SLC25A23: variants seen among roughly 807,000 people sequenced by gnomAD.
SLC25A23 encodes solute carrier family 25 member 23.
In SLC25A23, 32 loss-of-function variants were observed where a neutral mutation model predicts 53.9. That is an observed-to-expected ratio of 0.59 (90% CI 0.45 to 0.80). SLC25A23 has a LOEUF of 0.80. Ranked by LOEUF, SLC25A23 falls within the 30% of genes least tolerant of loss-of-function variation. The pLI is 0.00. For synonymous variants in SLC25A23, 275 were observed against 264.5 expected, an observed-to-expected ratio of 1.04 and a Z score of -0.38; for missense variants, 575 against 651.4, an observed-to-expected ratio of 0.88 and a Z score of 1.28.
chr19:6,444,931 T>C (rs2092480883), intron 8 of SLC25A23, among the ~76,000 whole-genome samples: 1 of 152,004 alleles, frequency 6.6e-6, no homozygotes, highest in Admixed American at 6.6e-5. Flanking sequence ...CCTCTCAAAG[T>C]GCTGGGATTA....
chr19:6,453,510 G>A (rs1240323084), intron 7 of SLC25A23, among the ~76,000 whole-genome samples: 1 of 152,146 alleles, frequency 6.6e-6, no homozygotes, highest in African/African-American at 2.4e-5. Flanking sequence ...AAAGTGCTGG[G>A]ATTACAGGCG....
intron 3 of SLC25A23, among the ~76,000 whole-genome samples, chr19:6,457,006 A>G (rs2092691022): frequency 6.6e-6 from 1 of 151,778 alleles, no homozygotes; most frequent in Non-Finnish European, 1.5e-5. Context: ...AGAGGGGGAA[A>G]CGGGCTAAGA....
At chr19:6,436,314 C>G, downstream of SLC25A23, 1 of 422,180 alleles carries the variant, frequency 2.4e-6, no homozygotes, top group Non-Finnish European at 4.9e-6. Flanking sequence ...ATCCACAAAG[C>G]TTGGACTATC....
Position 6,454,633 on chromosome 19 carries a change from C to A in SLC25A23, c.568G>T (p.Val190Leu), listed in dbSNP as rs1314028523. 2 of 1,614,072 alleles carry A rather than the reference C, an allele frequency of 1.2e-6. No homozygotes were observed. Among genetic ancestry groups the A allele is most frequent in the Admixed American group, 3.3e-5 (2 of 60,028 alleles). ...KLTGMWWKQL[V>L]AGAVAGAVSR... ...ACGGCACCTGCCACTGCGCCGGCCACCAGCTGTTTCCACCACATGCCCGTC... is the reference window on the plus strand; with the variant it reads ...ACGGCACCTGCCACTGCGCCGGCCAACAGCTGTTTCCACCACATGCCCGTC... The change falls in exon 5 of 10, where the codon GTG (valine) becomes TTG (leucine). Residue 190 changes from valine (V) to leucine (L), a missense_variant. Coordinates refer to ENST00000301454, the MANE Select transcript of SLC25A23 (RefSeq NM_024103.3). This position sits in a 1 kb window ranked among gnomAD's most constrained non-coding sequence, Gnocchi z 4.3.
chr19:6,456,800 C>T lies in SLC25A23; in HGVS notation c.372-269G>A, dbSNP rs562568692. Among the ~76,000 whole-genome samples the T allele has an allele frequency of 4.3e-4, 65 of 152,240 alleles. 1 individual carries two copies. Among genetic ancestry groups the T allele is most frequent in the African/African-American group, 1.4e-3 (60 of 41,546 alleles). ...GTTCAAGAGATTCTCCTGCCTCAGC[C>T]TCCCATGTAGCTGGGACTACAGGTG... On this transcript the variant is annotated intron_variant, in intron 3 of 9. Coordinates refer to ENST00000301454, the MANE Select transcript of SLC25A23 (RefSeq NM_024103.3).
At chr19:6,456,105 A>G in intron 4 of SLC25A23, 2 of 1,393,916 alleles carry the variant, frequency 1.4e-6, no homozygotes, top group African/African-American at 1.5e-5. Flanking sequence ...GTGTGGGTGG[A>G]AGGTGGGAGG....
At chr19:6,451,919 G>A (rs577799003) in intron 8 of SLC25A23, among the ~76,000 whole-genome samples, 84 of 150,648 alleles carry the variant, frequency 5.6e-4, no homozygotes, top group African/African-American at 1.9e-3. Flanking sequence ...GTGCAGTAGC[G>A]GGATGTTGGC....
In SLC25A23 at chr19:6,442,016, A is replaced by G; in HGVS notation, c.1366T>C (p.Tyr456His). ...CCCAAGGCCTGCTTCATGTTCTCGT[A>G]GACCACATAGGAGATGCTCACAGCT... ...IPAVSISYVV[Y>H]ENMKQALGVT... Residue 456 changes from tyrosine to histidine, a missense_variant, in exon 10 of 10, where the codon TAC (tyrosine) becomes CAC (histidine). Coordinates refer to ENST00000301454, the MANE Select transcript of SLC25A23 (RefSeq NM_024103.3). 1.9e-6 allele frequency: 3 copies of G among 1,613,928 alleles called. No homozygotes were observed. Among genetic ancestry groups the G allele is most frequent in the Non-Finnish European group, 2.5e-6 (3 of 1,179,912 alleles).
intron 8 of SLC25A23, among the ~76,000 whole-genome samples, chr19:6,450,372 C>T (rs1003661190): frequency 6.6e-6 from 1 of 152,154 alleles, no homozygotes; most frequent in Non-Finnish European, 1.5e-5. Context: ...TTCCTCAACC[C>T]CCCTCCCGCC....
At position 6,441,718 on chromosome 19, in the gene SLC25A23, T is replaced by C. The variant is rs1016013607; in HGVS notation, c.*257A>G. The C allele has an allele frequency of 5.7e-6, 3 of 523,042 alleles. No individual in the cohort carries two copies. Among genetic ancestry groups the C allele is most frequent in the Non-Finnish European group, 1.0e-5 (3 of 289,294 alleles). The allele number at this position is 523,042 out of a possible 1,614,324, so 32.4% of individuals were successfully genotyped here. On this transcript the variant is annotated 3_prime_UTR_variant, in exon 10 of 10. Transcript: ENST00000301454. ...TGCTGAAGTAAGGGATCCACAGTTATGGTTACAGGGGGATCTGGGATCTAG... is the reference window on the plus strand; with the variant it reads ...TGCTGAAGTAAGGGATCCACAGTTACGGTTACAGGGGGATCTGGGATCTAG...
chr19:6,440,309 G>C lies in SLC25A23; in HGVS notation c.*1666C>G, dbSNP rs1472715369. 1 of 152,012 alleles carries C rather than the reference G, an allele frequency of 6.6e-6. No homozygotes were observed. Among genetic ancestry groups the C allele is most frequent in the East Asian group, 1.9e-4 (1 of 5,200 alleles). The allele number at this position is 152,012 out of a possible 1,614,324, so 9.4% of individuals were successfully genotyped here. On this transcript the variant is annotated 3_prime_UTR_variant, in exon 10 of 10. Coordinates refer to ENST00000301454, the MANE Select transcript of SLC25A23 (RefSeq NM_024103.3). ...GAGGAGGACTTTGCTCCTCTCTCTG[G>C]TAGAAAAATAGATCTGGAATGAATT...
chr19:6,450,957 A>G lies in SLC25A23; in HGVS notation c.1071+1355T>C, dbSNP rs2092578942. Among the ~76,000 whole-genome samples, 3 of 151,594 alleles carry G rather than the reference A, an allele frequency of 2.0e-5. No homozygotes were observed. In the South Asian group the frequency reaches 6.3e-4, roughly 32 times the overall value. ...GCCAGGCGTGGTGGCAGGCACCTGT[A>G]ATCTCAGCTACTCGGGAGGCTGAGG... On this transcript the variant is annotated intron_variant, in intron 8 of 9. Transcript: ENST00000301454.
chr19:6,448,023 C>T (rs1018680505), intron 8 of SLC25A23, among the ~76,000 whole-genome samples: 2 of 152,058 alleles, frequency 1.3e-5, no homozygotes, highest in African/African-American at 4.8e-5. Context: ...GTTACTTGCC[C>T]AAAGCTACAA....
rs747909529 is a variant in SLC25A23 at position 6,459,639 on chromosome 19, C to CG, written c.-12dup. The stretch of plus-strand genomic sequence containing the variant: ...CGGGCTCCCCCGCATGGCGCCCGCC[C>CG]GGGGGGGAGGGGAGGCCCGGCAGCG... On this transcript the variant is annotated 5_prime_UTR_variant, in exon 1 of 10. Transcript: ENST00000301454. The surrounding 1 kb of genome is among the most constrained non-coding windows in gnomAD (Gnocchi z 4.6). 23 of 1,436,242 alleles carry CG rather than the reference C, an allele frequency of 1.6e-5. No individual in the cohort carries two copies. The highest frequency in any genetic ancestry group is 1.2e-4 in the South Asian group (8 of 66,718). The allele number at this position is 1,436,242 out of a possible 1,614,324, so 89.0% of individuals were successfully genotyped here.
chr19:6,456,861 G>C (rs1050964939), intron 3 of SLC25A23, among the ~76,000 whole-genome samples: 3 of 151,694 alleles, frequency 2.0e-5, no homozygotes, highest in Non-Finnish European at 4.4e-5. Context: ...TGTATTTTTA[G>C]TAGAGACAGG....
At position 6,459,330 on chromosome 19, in the gene SLC25A23, G is replaced by A. The variant is rs1228780088; in HGVS notation, c.156+143C>T. The A allele has an allele frequency of 5.1e-5, 34 of 671,490 alleles. No individual in the cohort carries two copies. The highest frequency in any genetic ancestry group is 7.5e-5 in the Non-Finnish European group (33 of 439,202). The allele number at this position is 671,490 out of a possible 1,614,324, so 41.6% of individuals were successfully genotyped here. On this transcript the variant is annotated intron_variant, in intron 1 of 9. Coordinates refer to ENST00000301454, the MANE Select transcript of SLC25A23 (RefSeq NM_024103.3). The surrounding 1 kb of genome is among the most constrained non-coding windows in gnomAD (Gnocchi z 4.6). ...GATCCCGTTAGGCCAAACACGAGTGGGTAGGGGGAACGAGACAGAGACACA... is the reference window on the plus strand; with the variant it reads ...GATCCCGTTAGGCCAAACACGAGTGAGTAGGGGGAACGAGACAGAGACACA...
intron 4 of SLC25A23, chr19:6,456,080 C>T: frequency 7.3e-7 from 1 of 1,365,884 alleles, no homozygotes. Context: ...GCAGAGAACC[C>T]AGCAGAAGAG....
intron 7 of SLC25A23, among the ~76,000 whole-genome samples, chr19:6,453,691 G>A (rs773192448): frequency 9.9e-5 from 15 of 152,122 alleles, no homozygotes; most frequent in South Asian, 2.1e-4. Flanking sequence ...TAGACACGAC[G>A]TCCCTGGGAA....
chr19:6,459,581 G>T lies in SLC25A23; in HGVS notation c.48C>A (p.Arg16=). 1.3e-6 allele frequency: 2 copies of T among 1,566,800 alleles called. No homozygotes were observed. The highest frequency in any genetic ancestry group is 1.7e-6 in the Non-Finnish European group (2 of 1,163,766). ...GDAERRQRWG[R]LFEELDSNKD... The stretch of plus-strand genomic sequence containing the variant: ...TGTTACTGTCCAGCTCCTCGAACAG[G>T]CGACCCCAGCGCTGCCGCCGCTCCG... The change falls in exon 1 of 10, where the codon CGC becomes CGA. Residue 16 remains arginine (R), a synonymous_variant. Coordinates refer to ENST00000301454, the MANE Select transcript of SLC25A23 (RefSeq NM_024103.3). The surrounding 1 kb of genome is among the most constrained non-coding windows in gnomAD (Gnocchi z 4.6).
Sources: gnomAD v4.1 joint callset for allele counts (sites outside exome capture counted in the v4.1 genomes callset) on GRCh38, gnomAD v4.1.1 for gene constraint, Gnocchi (gnomAD v3.1) non-coding constraint, MANE v1.5 for transcripts, NCBI Gene and HGNC (gene_info 2026-07-23, HGNC 2026-07-21) for gene names.